The following NRXN1 variants were observed in gnomAD, a reference collection of about 807,000 sequenced individuals.
NRXN1 encodes the protein neurexin 1, also known as neurexin-1.
NRXN1 carries 39 observed loss-of-function variants against 150.9 expected under a neutral mutation model. The ratio of observed to expected loss-of-function variants is 0.26; its 90% CI spans 0.20 to 0.34. The LOEUF (loss-of-function observed/expected upper bound fraction) is 0.34. Ranked by LOEUF, NRXN1 falls within the 10% of genes least tolerant of loss-of-function variation. The probability of loss-of-function intolerance (pLI) is 1.00; values close to 1 mark genes in which losing one functional copy is unlikely to be tolerated. For synonymous variants in NRXN1, 924 were observed against 757.0 expected (o/e 1.22, Z -3.62); for missense variants, 1,815 against 1,949.9 (o/e 0.93, Z 1.30).
intron 5 of NRXN1, among the ~76,000 whole-genome samples, chr2:50,736,064 G>A (rs200679029): frequency 1.3e-5 from 2 of 152,006 alleles, no homozygotes; most frequent in East Asian, 3.9e-4. Flanking sequence ...TGACCAAAAA[G>A]TATTGACTTG....
chr2:50,785,720 T>C (rs1332561652), intron 5 of NRXN1, among the ~76,000 whole-genome samples: 1 of 151,926 alleles, frequency 6.6e-6, no homozygotes, highest in Non-Finnish European at 1.5e-5. Context: ...GACAGGTGAG[T>C]AGAGCAGGAG....
chr2:50,348,734 C>A (rs1008111263), intron 17 of NRXN1, among the ~76,000 whole-genome samples: 2 of 152,074 alleles, frequency 1.3e-5, no homozygotes, highest in African/African-American at 2.4e-5. Flanking sequence ...GCTAGGAGGA[C>A]CACAGGCACT....
intron 21 of NRXN1, among the ~76,000 whole-genome samples, chr2:49,959,854 C>T (rs1261404652): frequency 6.6e-6 from 1 of 152,162 alleles, no homozygotes; most frequent in African/African-American, 2.4e-5. Flanking sequence ...GTAGGCAAAA[C>T]CCCAGTATCC....
chr2:50,250,072 C>G (rs2066899201), intron 17 of NRXN1, among the ~76,000 whole-genome samples: 1 of 152,092 alleles, frequency 6.6e-6, no homozygotes, highest in Non-Finnish European at 1.5e-5. Flanking sequence ...ACCTTCTTAC[C>G]TCTTAATTTA....
intron 5 of NRXN1, among the ~76,000 whole-genome samples, chr2:50,729,842 G>A (rs1467226611): frequency 6.6e-6 from 1 of 152,164 alleles, no homozygotes; most frequent in East Asian, 1.9e-4. Context: ...TTTCGAAAGC[G>A]AGGCTCAAAA....
intron 5 of NRXN1, among the ~76,000 whole-genome samples, chr2:50,644,834 AG>A (rs1684583198): frequency 6.7e-6 from 1 of 148,548 alleles, no homozygotes; most frequent in South Asian, 2.1e-4. Context: ...ACATTCAGGT[AG>A]GATATTTATA....
chr2:50,060,179 G>T (rs1029562453), intron 19 of NRXN1, among the ~76,000 whole-genome samples: 10 of 152,174 alleles, frequency 6.6e-5, no homozygotes, highest in African/African-American at 2.4e-4. Context: ...AGGCAGAGCT[G>T]CCCAAGACCA....
chr2:50,313,475 A>G (rs934421889), intron 17 of NRXN1, among the ~76,000 whole-genome samples: 8 of 152,110 alleles, frequency 5.3e-5, no homozygotes. Flanking sequence ...CCTGCCATGA[A>G]AGCTGTGAGC....
At chr2:51,017,124 G>A (rs1668790401) in intron 2 of NRXN1, among the ~76,000 whole-genome samples, 1 of 151,940 alleles carries the variant, frequency 6.6e-6, no homozygotes, top group East Asian at 1.9e-4. Flanking sequence ...GTCTAGGGGA[G>A]GGATATCATT....
At chr2:50,774,931 CA>C (rs1209213864) in intron 5 of NRXN1, among the ~76,000 whole-genome samples, 1 of 152,080 alleles carries the variant, frequency 6.6e-6, no homozygotes, top group Non-Finnish European at 1.5e-5. Flanking sequence ...TAAACAATAA[CA>C]AACAAAACTT....
At chr2:50,037,410 T>A (rs1243522966) in intron 21 of NRXN1, among the ~76,000 whole-genome samples, 1 of 152,180 alleles carries the variant, frequency 6.6e-6, no homozygotes, top group Admixed American at 6.5e-5. Flanking sequence ...TACTTTAATA[T>A]CTCACTAATA....
At chr2:51,026,355 C>CTACTTTAA in intron 2 of NRXN1, 1 of 1,532,042 alleles carries the variant, frequency 6.5e-7, no homozygotes, top group Non-Finnish European at 8.9e-7. Flanking sequence ...TCGTCTTTTT[C>CTACTTTAA]ACACCACTCA....
chr2:50,874,928 A>G (rs914336700), intron 5 of NRXN1, among the ~76,000 whole-genome samples: 7 of 151,842 alleles, frequency 4.6e-5, no homozygotes, highest in South Asian at 4.1e-4. Flanking sequence ...GGGTAGATTT[A>G]GATGCTAAAA....
chr2:50,350,962 G>A (rs1030576788), intron 17 of NRXN1, among the ~76,000 whole-genome samples: 1 of 152,156 alleles, frequency 6.6e-6, no homozygotes, highest in Non-Finnish European at 1.5e-5. Flanking sequence ...TACGGATACA[G>A]CAATATTTGT....
chr2:50,053,775 T>C (rs1290462119), intron 20 of NRXN1, among the ~76,000 whole-genome samples, 185 bp from the exon 21 acceptor site: 2 of 152,180 alleles, frequency 1.3e-5, no homozygotes, highest in East Asian at 1.9e-4. Flanking sequence ...TGGCAAATAC[T>C]TGTAAATTCT....
intron 18 of NRXN1, among the ~76,000 whole-genome samples, chr2:50,204,364 G>A (rs73930309): frequency 8.7e-5 from 7 of 80,534 alleles, no homozygotes; most frequent in African/African-American, 4.1e-4. Context: ...GTGTGTGTGT[G>A]TGTGTGTGTA....
chr2:50,382,578 C>T (rs1488799088), intron 17 of NRXN1, among the ~76,000 whole-genome samples: 2 of 152,128 alleles, frequency 1.3e-5, no homozygotes, highest in African/African-American at 4.8e-5. Context: ...ATTAAGTGCA[C>T]ACAGCATTCC....
chr2:50,623,518 C>G lies in NRXN1; in HGVS notation c.930G>C (p.Leu310=), dbSNP rs200532412. ...PIQSSSDEIT[L]SFKTLQRNGL... is the part of the protein sequence containing the mutation. ...CATTCCTCTGAAGGGTTTTAAATGACAGAGTTATTTCATCACTGCTGCTTT... is the reference window on the plus strand; with the variant it reads ...CATTCCTCTGAAGGGTTTTAAATGAGAGAGTTATTTCATCACTGCTGCTTT... Residue 310 remains leucine (L), a synonymous_variant, in exon 6 of 23, where the codon CTG becomes CTC. Coordinates refer to ENST00000401669, the MANE Select transcript of NRXN1 (RefSeq NM_001330078.2). 6.2e-7 allele frequency: 1 copy of G among 1,613,228 alleles called. No homozygotes were observed. Among genetic ancestry groups the G allele is most frequent in the African/African-American group, 1.3e-5 (1 of 74,868 alleles).
At chr2:49,934,075 A>G (rs1670595943) in intron 22 of NRXN1, among the ~76,000 whole-genome samples, 1 of 152,150 alleles carries the variant, frequency 6.6e-6, no homozygotes, top group Admixed American at 6.5e-5. Context: ...TCTGGCTCCT[A>G]TGGTTGGAGT....
Sources: gnomAD v4.1 joint callset for allele counts (sites outside exome capture counted in the v4.1 genomes callset) on GRCh38, gnomAD v4.1.1 for gene constraint, MANE v1.5 for transcripts, NCBI Gene and HGNC (gene_info 2026-07-23, HGNC 2026-07-21) for gene names.